Variants in SERPINE2 observed in about 807,000 individuals in gnomAD.
The protein encoded by SERPINE2 is serpin family E member 2, also known as glia-derived nexin.
In SERPINE2, 14 loss-of-function variants were observed where a neutral mutation model predicts 36.3. The ratio of observed to expected loss-of-function variants is 0.39; its 90% CI spans 0.25 to 0.60. The LOEUF (loss-of-function observed/expected upper bound fraction) is 0.60. Ranked by LOEUF, SERPINE2 falls within the 20% of genes least tolerant of loss-of-function variation. The pLI is 0.57. For synonymous variants in SERPINE2, 192 were observed against 191.8 expected (o/e 1.00, Z -0.01); for missense variants, 418 against 499.6 (o/e 0.84, Z 1.56).
chr2:223,990,922 G>A (rs57862293), intron 4 of SERPINE2, among the ~76,000 whole-genome samples: 17,826 of 152,184 alleles, frequency 0.12, 1,509 homozygotes, highest in Admixed American at 0.22. Flanking sequence ...AGGCTGCGGT[G>A]AGCCATGTTT....
At chr2:224,010,336 G>C in intron 1 of SERPINE2, 1 of 985,010 alleles carries the variant, frequency 1.0e-6, no homozygotes. Context: ...AAATGTTTAG[G>C]AAATACCTTT....
intron 1 of SERPINE2, chr2:224,029,994 T>C (rs1463777576): frequency 2.2e-6 from 2 of 918,976 alleles, no homozygotes; most frequent in South Asian, 5.0e-5. Context: ...AGCATAGACA[T>C]GTCTGGCCCT....
Position 223,991,948 on chromosome 2 carries a change from T to A in SERPINE2, c.540A>T (p.Arg180Ser). ...AATACACTGCGTTGACGAGGACCAG[T>A]CTGGTGAGCACACCATCAATAAGAT... Reference protein sequence around the residue: ...SPDLIDGVLTRLVLVNAVYFK... With the variant: ...SPDLIDGVLTSLVLVNAVYFK... Residue 180 changes from arginine to serine, a missense_variant, in exon 4 of 9, where the codon AGA becomes AGT. By Grantham distance (110) the Arg-to-Ser change is moderately radical. Coordinates refer to ENST00000409304, the MANE Select transcript of SERPINE2 (RefSeq NM_001136528.2). 1 of 1,613,842 alleles carries A rather than the reference T, an allele frequency of 6.2e-7. No individual in the cohort carries two copies. The highest frequency in any genetic ancestry group is 8.5e-7 in the Non-Finnish European group (1 of 1,179,898).
chr2:224,035,485 C>T (rs555246524), intron 1 of SERPINE2, among the ~76,000 whole-genome samples: 51 of 152,244 alleles, frequency 3.3e-4, no homozygotes, highest in African/African-American at 1.0e-3. Flanking sequence ...CGGGTTCAAG[C>T]GATTCTCCTG....
intron 2 of SERPINE2, among the ~76,000 whole-genome samples, chr2:223,999,468 G>A (rs13392268): frequency 0.26 from 40,018 of 152,052 alleles, 6,403 homozygotes; most frequent in African/African-American, 0.45. Context: ...TCCTCTTCAG[G>A]CCTTTTACAC....
intron 2 of SERPINE2, among the ~76,000 whole-genome samples, chr2:224,000,364 C>T (rs530860347): frequency 6.6e-6 from 1 of 152,136 alleles, no homozygotes; most frequent in African/African-American, 2.4e-5. Context: ...TGGGCAAGAC[C>T]CCTCAGCTGA....
At chr2:224,005,067 A>ATATATT (rs1559209125) in intron 1 of SERPINE2, among the ~76,000 whole-genome samples, 11 of 8,218 alleles carry the variant, frequency 1.3e-3, no homozygotes, top group South Asian at 4.5e-3. Flanking sequence ...TATATATATT[A>ATATATT]TATATATATA....
At chr2:223,989,839 A>G (rs527475788) in intron 4 of SERPINE2, among the ~76,000 whole-genome samples, 93 of 152,298 alleles carry the variant, frequency 6.1e-4, no homozygotes, top group African/African-American at 2.2e-3. Flanking sequence ...GGTGGAGAGT[A>G]AACAGATAAG....
At position 223,981,679 on chromosome 2, in the gene SERPINE2, T is replaced by C. The variant is rs531061413; in HGVS notation, c.985+1002A>G. On this transcript the variant is annotated intron_variant, in intron 6 of 8. Coordinates refer to ENST00000409304, the MANE Select transcript of SERPINE2 (RefSeq NM_001136528.2). ...TGGAGTGCAAATAATGTTCAAGCCA[T>C]GGCTTTTCCTTGGAAAGATTGCTAT... is the stretch of plus-strand genomic sequence containing the variant. 5 of 152,364 alleles carry C rather than the reference T, an allele frequency of 3.3e-5. No individual in the cohort carries two copies. The South Asian group carries it at 1.0e-3, about 32-fold the overall frequency. The allele number at this position is 152,364 out of a possible 1,614,324, so 9.4% of individuals were successfully genotyped here.
chr2:223,975,787 G>C lies in SERPINE2; in HGVS notation c.*80C>G. ...AAGCGATGTACAAAAATATTTAACA[G>C]AACTATGAAAGATGCAGGAAAGGAG... On this transcript the variant is annotated 3_prime_UTR_variant, in exon 9 of 9. Coordinates refer to ENST00000409304, the MANE Select transcript of SERPINE2 (RefSeq NM_001136528.2). The C allele has an allele frequency of 8.5e-7, 1 of 1,177,456 alleles. No homozygotes were observed. The highest frequency in any genetic ancestry group is 1.2e-6 in the Non-Finnish European group (1 of 823,178). 72.9% of individuals were successfully genotyped at this position (1,177,456 alleles called of 1,614,324 possible).
At chr2:224,006,259 C>G (rs1691420312) in intron 1 of SERPINE2, among the ~76,000 whole-genome samples, 2 of 152,152 alleles carry the variant, frequency 1.3e-5, no homozygotes, top group Admixed American at 1.3e-4. Context: ...CAGTTTGCTA[C>G]CTGTTTTCAC....
chr2:224,023,489 C>T (rs1185650719), intron 1 of SERPINE2, among the ~76,000 whole-genome samples: 1 of 152,204 alleles, frequency 6.6e-6, no homozygotes, highest in Non-Finnish European at 1.5e-5. Flanking sequence ...CAGGAAAGTG[C>T]TGAGCTTGTA....
rs1048033444 is a variant in SERPINE2 at position 224,031,020 on chromosome 2, A to C, written c.-23+8079T>G. 15 of 985,332 alleles carry C rather than the reference A, an allele frequency of 1.5e-5. No homozygotes were observed. The African/African-American group carries it at 2.6e-4, about 17-fold the overall frequency. The allele number at this position is 985,332 out of a possible 1,614,324, so 61.0% of individuals were successfully genotyped here. ...TTCTGTATCATGTGTTTTGGTTGTG[A>C]TACTAGGGCTATCACGCAGCACGGC... On this transcript the variant is annotated intron_variant, in intron 1 of 8. Transcript: ENST00000409304.
At chr2:224,028,171 G>A (rs551405733) in intron 1 of SERPINE2, among the ~76,000 whole-genome samples, 2 of 152,302 alleles carry the variant, frequency 1.3e-5, no homozygotes, top group South Asian at 4.1e-4. Flanking sequence ...GAGGTAACAG[G>A]TGACAGGAGT....
intron 5 of SERPINE2, among the ~76,000 whole-genome samples, chr2:223,983,709 C>A (rs1432931923): frequency 2.1e-5 from 3 of 146,108 alleles, no homozygotes; most frequent in Admixed American, 1.4e-4. Flanking sequence ...CACACACACA[C>A]ACACACACGT....
intron 1 of SERPINE2, chr2:224,031,446 C>G: frequency 1.0e-6 from 1 of 985,598 alleles, no homozygotes. Context: ...GCAGCACGGT[C>G]CTCTCCACTC....
At position 223,997,819 on chromosome 2, in the gene SERPINE2, C is replaced by T. The variant is rs191118997; in HGVS notation, c.487+296G>A. Among the ~76,000 whole-genome samples the T allele has an allele frequency of 2.3e-3, 356 of 152,270 alleles. 5 individuals carry two copies. The highest frequency in any genetic ancestry group is 3.2e-4 in the Non-Finnish European group (22 of 68,020). On this transcript the variant is annotated intron_variant, in intron 3 of 8. Transcript: ENST00000409304. ...GAATGAGCAAGAAAACCTTCAAAAT[C>T]AACAAGAGCCTGTGGGCAAGGATGC...
At chr2:224,017,493 G>C (rs978991220) in intron 1 of SERPINE2, among the ~76,000 whole-genome samples, 1 of 152,016 alleles carries the variant, frequency 6.6e-6, no homozygotes, top group African/African-American at 2.4e-5. Context: ...TTGCATAATT[G>C]TACATTCTCA....
chr2:223,980,191 AC>A (rs1690168720), intron 7 of SERPINE2, 119 bp downstream of exon 7: 1 of 776,672 alleles, frequency 1.3e-6, no homozygotes, highest in African/African-American at 1.7e-5. Flanking sequence ...CTGAGGGTTA[AC>A]CCACACACAC....
Sources: gnomAD v4.1 joint callset for allele counts (sites outside exome capture counted in the v4.1 genomes callset) on GRCh38, gnomAD v4.1.1 for gene constraint, MANE v1.5 for transcripts, NCBI Gene and HGNC (gene_info 2026-07-23, HGNC 2026-07-21) for gene names.